The following TMEM117 variants were observed in gnomAD, a reference collection of about 807,000 sequenced individuals.
The protein encoded by TMEM117 is transmembrane protein 117.
TMEM117 carries 27 observed loss-of-function variants against 52.4 expected under a neutral mutation model. The ratio of observed to expected loss-of-function variants is 0.51; its 90% CI spans 0.38 to 0.71. The LOEUF (loss-of-function observed/expected upper bound fraction) is 0.71. TMEM117 is among the 30% of genes least tolerant of loss of function. The pLI is 0.00. For synonymous variants in TMEM117, 215 were observed against 206.3 expected (o/e 1.04, Z -0.36); for missense variants, 556 against 630.5 (o/e 0.88, Z 1.26).
chr12:44,189,338 T>C (rs769315392), intron 4 of TMEM117, among the ~76,000 whole-genome samples: 12 of 152,176 alleles, frequency 7.9e-5, no homozygotes, highest in Non-Finnish European at 1.6e-4. Flanking sequence ...CAGAAAATGA[T>C]ATTTCTCTCT....
At chr12:44,175,348 C>T (rs1949103638) in intron 4 of TMEM117, among the ~76,000 whole-genome samples, 1 of 151,986 alleles carries the variant, frequency 6.6e-6, no homozygotes, top group African/African-American at 2.4e-5. Context: ...CAAGGATGAC[C>T]CCAGGCTTAT....
intron 5 of TMEM117, among the ~76,000 whole-genome samples, chr12:44,268,755 A>G (rs1485763976): frequency 6.6e-6 from 1 of 152,148 alleles, no homozygotes; most frequent in African/African-American, 2.4e-5. Context: ...TCTAATAAGT[A>G]TGAGCACTAT....
At chr12:44,192,120 C>G (rs1043642179) in intron 4 of TMEM117, among the ~76,000 whole-genome samples, 7 of 152,082 alleles carry the variant, frequency 4.6e-5, no homozygotes, top group Non-Finnish European at 1.0e-4. Flanking sequence ...TATACTCAAT[C>G]TTAGAGGAGT....
chr12:43,860,179 C>T (rs888367305), intron 2 of TMEM117, among the ~76,000 whole-genome samples: 4 of 152,144 alleles, frequency 2.6e-5, no homozygotes, highest in Admixed American at 2.6e-4. Context: ...CCCTAGTCCC[C>T]CCACCCCGTG....
chr12:44,257,286 A>G, intron 5 of TMEM117, among the ~76,000 whole-genome samples: 1 of 151,674 alleles, frequency 6.6e-6, no homozygotes. Context: ...CTGCACTCCT[A>G]TCCATTTGCT....
chr12:44,235,441 A>G (rs1475211899), intron 5 of TMEM117, among the ~76,000 whole-genome samples: 2 of 151,218 alleles, frequency 1.3e-5, no homozygotes, highest in African/African-American at 4.8e-5. Context: ...ACTTGGATTT[A>G]AATCTATCAT....
chr12:43,864,792 C>G (rs1032796762), intron 2 of TMEM117, among the ~76,000 whole-genome samples: 5 of 151,768 alleles, frequency 3.3e-5, no homozygotes, highest in Non-Finnish European at 7.4e-5. Flanking sequence ...CTGGAGCCAG[C>G]AGGGGGTCCA....
In TMEM117 at chr12:44,388,503, A is replaced by T; in HGVS notation, c.1376A>T (p.Asp459Val). Residue 459 changes from aspartate to valine, a missense_variant, in exon 8 of 8, where the codon GAC becomes GTC. Transcript: ENST00000266534. ...TRENTQASVEDPLNDPSLVCI... is the reference protein window; with the variant it reads ...TRENTQASVEVPLNDPSLVCI... ...GAAAACACCCAGGCTTCAGTAGAAG[A>T]CCCCTTGAATGACCCTTCTTTGGTT... The T allele has an allele frequency of 6.2e-7, 1 of 1,613,474 alleles. No homozygotes were observed. The highest frequency in any genetic ancestry group is 1.1e-5 in the South Asian group (1 of 91,068).
chr12:44,318,946 C>T (rs947935194), intron 6 of TMEM117, among the ~76,000 whole-genome samples: 22 of 152,230 alleles, frequency 1.4e-4, no homozygotes, highest in African/African-American at 4.8e-4. Context: ...CAAGGTCACA[C>T]ACAGGCCATT....
intron 4 of TMEM117, among the ~76,000 whole-genome samples, chr12:44,169,375 A>G (rs1949013538): frequency 6.6e-6 from 1 of 152,182 alleles, no homozygotes; most frequent in Non-Finnish European, 1.5e-5. Context: ...TCTTTTTAAA[A>G]ATAATGGTTA....
chr12:44,335,517 T>C (rs1383268654), intron 6 of TMEM117, among the ~76,000 whole-genome samples: 1 of 152,070 alleles, frequency 6.6e-6, no homozygotes, highest in African/African-American at 2.4e-5. Context: ...TTAAGTTGTA[T>C]ATTCAGGGTC....
intron 5 of TMEM117, among the ~76,000 whole-genome samples, chr12:44,221,485 A>G (rs1228959972): frequency 6.6e-6 from 1 of 152,166 alleles, no homozygotes; most frequent in Non-Finnish European, 1.5e-5. Context: ...CAAATGTGCA[A>G]AAAGTTAGAA....
chr12:44,359,438 A>C (rs1488473861), intron 6 of TMEM117, among the ~76,000 whole-genome samples: 10 of 152,042 alleles, frequency 6.6e-5, no homozygotes, highest in Non-Finnish European at 1.3e-4. Flanking sequence ...TTTCCACATA[A>C]AATTATACCA....
At chr12:43,805,807 T>C in the TMEM117 span, 4 of 1,365,852 alleles carry the variant, frequency 2.9e-6, no homozygotes, top group African/African-American at 5.9e-5. Context: ...TATTCTCCTT[T>C]GGACCATGAA....
At chr12:44,080,015 CAAAAAAAAAA>C (rs747963448) in intron 3 of TMEM117, among the ~76,000 whole-genome samples, 1 of 57,956 alleles carries the variant, frequency 1.7e-5, no homozygotes, top group Non-Finnish European at 4.5e-5. Context: ...AACTCCATCT[CAAAAAAAAAA>C]AAAAAAAAAA....
chr12:43,850,099 G>A (rs1209562943), intron 2 of TMEM117, among the ~76,000 whole-genome samples: 4 of 152,066 alleles, frequency 2.6e-5, no homozygotes, highest in African/African-American at 4.8e-5. Context: ...TGACACATCC[G>A]TTTTCACAGG....
chr12:44,012,264 A>G (rs745860672), intron 3 of TMEM117, among the ~76,000 whole-genome samples: 1 of 151,858 alleles, frequency 6.6e-6, no homozygotes, highest in African/African-American at 2.4e-5. Context: ...CAATTTGCCC[A>G]GGTGTTATGT....
chr12:44,184,103 T>C (rs546442390), intron 4 of TMEM117, among the ~76,000 whole-genome samples: 18 of 152,220 alleles, frequency 1.2e-4, no homozygotes, highest in Non-Finnish European at 2.4e-4. Context: ...CCCAGCACTT[T>C]GGGAGGCTGA....
chr12:43,845,120 A>G, intron 2 of TMEM117, 192 bp downstream of exon 2: 1 of 593,064 alleles, frequency 1.7e-6, no homozygotes, highest in Non-Finnish European at 2.8e-6. Flanking sequence ...CCTACTGTCT[A>G]AGGAAAATTA....
Sources: allele counts gnomAD v4.1 joint callset (sites outside exome capture counted in the v4.1 genomes callset), GRCh38; gene constraint gnomAD v4.1.1; transcripts MANE v1.5; gene names NCBI Gene and HGNC (gene_info 2026-07-23, HGNC 2026-07-21).